MADD: variants seen among roughly 807,000 people sequenced by gnomAD.
MADD encodes MAP kinase-activating death domain protein.
In MADD, 109 loss-of-function variants were observed where a neutral mutation model predicts 176.7. The observed-to-expected ratio is 0.62, with a 90% CI of 0.53 to 0.72. MADD has a LOEUF of 0.72. Ranked by LOEUF, MADD falls within the 30% of genes least tolerant of loss-of-function variation. The pLI is 0.00. For missense variants in MADD, 1,914 were observed against 2,045.5 expected, an observed-to-expected ratio of 0.94 and a Z score of 1.24; for synonymous variants, 771 against 771.3, an observed-to-expected ratio of 1.00 and a Z score of 0.01.
At chr11:47,271,293 G>A (rs1304425297) in intron 1 of MADD, among the ~76,000 whole-genome samples, 1 of 152,178 alleles carries the variant, frequency 6.6e-6, no homozygotes, top group Non-Finnish European at 1.5e-5. Context: ...AGTTAAAGGT[G>A]TTAGTCTTTT....
At chr11:47,281,542 C>T (rs2056750957) in intron 7 of MADD, 33 bp from the exon 8 acceptor site, 1 of 1,566,574 alleles carries the variant, frequency 6.4e-7, no homozygotes, top group Admixed American at 1.7e-5. Context: ...CAGGGACGTT[C>T]CTTGTGTAAG....
chr11:47,269,662 C>CCCCCCTCTG (rs1449666008), upstream of MADD: 2 of 151,482 alleles, frequency 1.3e-5, no homozygotes, highest in Admixed American at 6.6e-5. Flanking sequence ...CGGCCGCGCG[C>CCCCCCTCTG]CCCCCTCTGC....
At chr11:47,278,322 G>T in intron 6 of MADD, 44 bp downstream of exon 6, 1 of 1,375,278 alleles carries the variant, frequency 7.3e-7, no homozygotes. Flanking sequence ...GAGGAGGATT[G>T]CATTCTAGAC....
exon 7 of MADD, chr11:47,279,042 A>G: frequency 6.2e-7 from 1 of 1,614,124 alleles, no homozygotes; most frequent in African/African-American, 1.3e-5. Flanking sequence ...ATCCTGCCAG[A>G]ACCAGAATCA....
chr11:47,316,640 C>T (rs368126498), intron 27 of MADD, among the ~76,000 whole-genome samples: 2 of 151,932 alleles, frequency 1.3e-5, no homozygotes, highest in African/African-American at 4.8e-5. Context: ...CCACCCGCCT[C>T]GGCCTCCCAA....
intron 22 of MADD, among the ~76,000 whole-genome samples, chr11:47,302,664 C>T (rs2078796199): frequency 6.6e-6 from 1 of 152,036 alleles, no homozygotes; most frequent in South Asian, 2.1e-4. Context: ...TTCTTGTAGG[C>T]AGCATATAGT....
rs186814939 is a variant in MADD at position 47,289,229 on chromosome 11, C to T, written c.2654-162C>T. Among the ~76,000 whole-genome samples the T allele has an allele frequency of 2.4e-3, 359 of 152,276 alleles. 2 individuals are homozygous for T. The highest frequency in any genetic ancestry group is 8.2e-3 in the African/African-American group (340 of 41,556). On this transcript the variant is annotated intron_variant, in intron 15 of 32. Transcript: ENST00000402192. ...CCTGAGTCTCCATCCCCACCTCCTC[C>T]ACATTGCCATGGCTGGTTTCTACCT...
At chr11:47,279,124 G>A (rs746517115) in intron 7 of MADD, 45 bp downstream of exon 7, 1 of 1,564,198 alleles carries the variant, frequency 6.4e-7, no homozygotes, top group Admixed American at 1.7e-5. Flanking sequence ...TAGATGCTGT[G>A]GGATTCCTAT....
intron 27 of MADD, among the ~76,000 whole-genome samples, chr11:47,321,433 G>A (rs1234682552): frequency 2.0e-5 from 3 of 152,190 alleles, no homozygotes; most frequent in Non-Finnish European, 2.9e-5. Flanking sequence ...CCTAATATTT[G>A]TGGAGCACGT....
chr11:47,320,952 T>C (rs2094369118), intron 27 of MADD, among the ~76,000 whole-genome samples: 1 of 152,108 alleles, frequency 6.6e-6, no homozygotes, highest in Admixed American at 6.6e-5. Flanking sequence ...TAATTGCTCA[T>C]TGAATATCCT....
exon 22 of MADD, chr11:47,295,907 G>T: frequency 6.2e-7 from 1 of 1,614,012 alleles, no homozygotes. Flanking sequence ...GTGAGTAATA[G>T]CTCTGGAGAG....
chr11:47,306,963 G>A (rs182366628), intron 22 of MADD, among the ~76,000 whole-genome samples: 2 of 152,180 alleles, frequency 1.3e-5, no homozygotes, highest in African/African-American at 4.8e-5. Context: ...ATGGCTTGGT[G>A]CAGTCATGGC....
exon 4 of MADD, chr11:47,276,174 T>C (rs1294575999): frequency 1.2e-6 from 2 of 1,612,590 alleles, no homozygotes; most frequent in Non-Finnish European, 8.5e-7. Flanking sequence ...TGTCTCCAGG[T>C]GCTAACCTGC....
chr11:47,329,294 C>T (rs148916705), exon 33 of MADD: 71 of 668,100 alleles, frequency 1.1e-4, no homozygotes, highest in African/African-American at 9.7e-4. Context: ...GGTTGGTTAC[C>T]GGTTATGTGT....
In MADD at chr11:47,325,118, C is replaced by T. The variant is rs1230191597; in HGVS notation, c.4542+541C>T. On this transcript the variant is annotated intron_variant, in intron 30 of 32. Coordinates refer to ENST00000402192, the Ensembl canonical transcript of MADD. This position sits in a 1 kb window ranked among gnomAD's most constrained non-coding sequence, Gnocchi z 4.5. Reference sequence around the variant, plus strand: ...TCTTCTTCCTGTTCTTTTCCTTCCTCTGAGTGTTCCCACTCTGTCCCCTGC... The same window carrying T: ...TCTTCTTCCTGTTCTTTTCCTTCCTTTGAGTGTTCCCACTCTGTCCCCTGC... 1.0e-4 allele frequency: 25 copies of T among 246,546 alleles called. No individual in the cohort carries two copies. The highest frequency in any genetic ancestry group is 1.9e-4 in the Non-Finnish European group (24 of 125,890). The allele number at this position is 246,546 out of a possible 1,614,324, so 15.3% of individuals were successfully genotyped here. A position where few individuals can be genotyped will look rare whatever the true frequency, so the allele number is the denominator to read the frequency against.
intron 15 of MADD, among the ~76,000 whole-genome samples, chr11:47,287,539 A>C (rs977790653): frequency 1.3e-5 from 2 of 151,974 alleles, no homozygotes; most frequent in Non-Finnish European, 2.9e-5. Flanking sequence ...CCTCCCGTGT[A>C]GTTGGAATTA....
At chr11:47,274,797 C>T (rs2048248311) in exon 3 of MADD, 6 of 1,614,238 alleles carry the variant, frequency 3.7e-6, no homozygotes, top group African/African-American at 2.7e-5. Flanking sequence ...ACTTCTACCG[C>T]TCCTTCCAAA....
exon 10 of MADD, chr11:47,282,857 G>C: frequency 6.2e-7 from 1 of 1,613,964 alleles, no homozygotes; most frequent in Non-Finnish European, 8.5e-7. Flanking sequence ...AAAGTGGTAT[G>C]CTCATCAGCT....
At chr11:47,278,137 T>C (rs1366558752) in intron 5 of MADD, 28 bp from the exon 6 acceptor site, 2 of 1,485,590 alleles carry the variant, frequency 1.3e-6, no homozygotes, top group Non-Finnish European at 1.9e-6. Flanking sequence ...TTTGTCTTTG[T>C]TTCTCACCTT....
Sources: gnomAD v4.1 joint callset for allele counts (sites outside exome capture counted in the v4.1 genomes callset) on GRCh38, gnomAD v4.1.1 for gene constraint, Gnocchi (gnomAD v3.1) non-coding constraint, MANE v1.5 for transcripts, NCBI Gene and HGNC (gene_info 2026-07-23, HGNC 2026-07-21) for gene names.